Variants in CADM2 observed in about 807,000 individuals in gnomAD.
CADM2 encodes immunoglobulin superfamily member 4D.
A neutral mutation model predicts 49.8 loss-of-function variants in CADM2; 12 were observed. The observed-to-expected ratio is 0.24, with a 90% CI of 0.15 to 0.39. The LOEUF is 0.39. Ranked by LOEUF, CADM2 falls within the 10% of genes least tolerant of loss-of-function variation. The pLI is 1.00. For synonymous variants in CADM2, 214 were observed against 175.4 expected (o/e 1.22, Z -1.74); for missense variants, 378 against 492.3 (o/e 0.77, Z 2.20).
chr3:85,051,809 A>G (rs1390235625), intron 1 of CADM2, among the ~76,000 whole-genome samples: 4 of 152,214 alleles, frequency 2.6e-5, no homozygotes, highest in African/African-American at 9.6e-5. Context: ...ATTTAAAAGA[A>G]AAGAAAACGG....
chr3:85,057,231 G>A (rs959256674), intron 1 of CADM2, among the ~76,000 whole-genome samples: 8 of 151,874 alleles, frequency 5.3e-5, no homozygotes, highest in Admixed American at 2.0e-4. Flanking sequence ...CATATTTGCC[G>A]TGAAAAAATA....
At chr3:85,575,233 C>T (rs190631821) in intron 1 of CADM2, among the ~76,000 whole-genome samples, 1 of 152,250 alleles carries the variant, frequency 6.6e-6, no homozygotes, top group African/African-American at 2.4e-5. Context: ...AATGAAAATG[C>T]ATGAACTTAC....
At chr3:85,945,234 G>C (rs1477129415) in intron 7 of CADM2, among the ~76,000 whole-genome samples, 3 of 152,162 alleles carry the variant, frequency 2.0e-5, no homozygotes, top group Admixed American at 6.6e-5. Flanking sequence ...CCAGGAAGAA[G>C]TTGAATCTCT....
chr3:86,046,834 T>A (rs555806288), intron 8 of CADM2, among the ~76,000 whole-genome samples: 1 of 151,878 alleles, frequency 6.6e-6, no homozygotes, highest in African/African-American at 2.4e-5. Context: ...TGTTAGCTTT[T>A]TCTTTCAAAA....
chr3:85,564,103 C>T (rs1478369563), intron 1 of CADM2, among the ~76,000 whole-genome samples: 1 of 151,352 alleles, frequency 6.6e-6, no homozygotes, highest in African/African-American at 2.4e-5. Flanking sequence ...TAGCTTGGTT[C>T]TAAAAATTTA....
chr3:85,206,554 A>T (rs376291291), intron 1 of CADM2, among the ~76,000 whole-genome samples: 1 of 151,748 alleles, frequency 6.6e-6, no homozygotes, highest in Non-Finnish European at 1.5e-5. Context: ...TGATCCGCCC[A>T]CCTCGGCCTC....
At chr3:85,993,299 A>C (rs1369515266) in intron 8 of CADM2, 1 of 152,212 alleles carries the variant, frequency 6.6e-6, no homozygotes, top group Non-Finnish European at 1.5e-5. Context: ...TCAACTCCCT[A>C]TCCATTAAGT....
chr3:85,000,282 T>A (rs1467902270), intron 1 of CADM2, among the ~76,000 whole-genome samples: 1 of 151,644 alleles, frequency 6.6e-6, no homozygotes, highest in African/African-American at 2.4e-5. Flanking sequence ...CCCAGCTAAT[T>A]ATTTTTTTTT....
intron 1 of CADM2, among the ~76,000 whole-genome samples, chr3:85,319,027 C>A (rs748326098): frequency 6.6e-6 from 1 of 152,044 alleles, no homozygotes; most frequent in Non-Finnish European, 1.5e-5. Flanking sequence ...AAAGGAGCAA[C>A]TTCATATGCT....
intron 1 of CADM2, among the ~76,000 whole-genome samples, chr3:85,231,707 C>CTT (rs754139147): frequency 5.4e-5 from 7 of 130,724 alleles, no homozygotes; most frequent in Non-Finnish European, 9.9e-5. Flanking sequence ...AGTTTCCTTT[C>CTT]TTTTTTTTTT....
chr3:85,495,550 T>C (rs2039852465), intron 1 of CADM2, among the ~76,000 whole-genome samples: 1 of 152,038 alleles, frequency 6.6e-6, no homozygotes, highest in Non-Finnish European at 1.5e-5. Flanking sequence ...TAACTAAAAG[T>C]CTAGTCCCTG....
intron 1 of CADM2, among the ~76,000 whole-genome samples, chr3:85,110,348 A>G (rs1423568221): frequency 6.6e-6 from 1 of 151,752 alleles, no homozygotes; most frequent in Non-Finnish European, 1.5e-5. Flanking sequence ...CCCACTTCAT[A>G]TCTCCAGCTT....
At chr3:85,385,628 T>C (rs2034179162) in intron 1 of CADM2, 1 of 151,964 alleles carries the variant, frequency 6.6e-6, no homozygotes, top group Non-Finnish European at 1.5e-5. Context: ...TGATCCCTAT[T>C]TTTTTTCAGT....
At chr3:85,589,332 T>C (rs2063038059) in intron 1 of CADM2, among the ~76,000 whole-genome samples, 1 of 152,032 alleles carries the variant, frequency 6.6e-6, no homozygotes, top group South Asian at 2.1e-4. Context: ...TTAGGCACAA[T>C]AGCATTGGGT....
intron 8 of CADM2, among the ~76,000 whole-genome samples, chr3:85,981,852 A>G (rs571572570): frequency 6.6e-6 from 1 of 151,752 alleles, no homozygotes; most frequent in Admixed American, 6.6e-5. Flanking sequence ...AACAATTTAT[A>G]TTCTTTTGGG....
chr3:85,325,590 T>A (rs1357038531), intron 1 of CADM2, among the ~76,000 whole-genome samples: 1 of 150,318 alleles, frequency 6.7e-6, no homozygotes, highest in Non-Finnish European at 1.5e-5. Context: ...CTGGCGAGGC[T>A]GAGGCAGGAG....
At chr3:84,982,994 G>A (rs1000256328) in intron 1 of CADM2, among the ~76,000 whole-genome samples, 4 of 150,540 alleles carry the variant, frequency 2.7e-5, no homozygotes, top group African/African-American at 7.5e-5. Context: ...TGATCTGCCC[G>A]CTTCAGCCTC....
chr3:84,993,675 T>A (rs1277014447), intron 1 of CADM2, among the ~76,000 whole-genome samples: 2 of 152,208 alleles, frequency 1.3e-5, no homozygotes, highest in Non-Finnish European at 2.9e-5. Context: ...CACTGACTGA[T>A]ATGAACTGTT....
chr3:85,679,477 A>G (rs2065978610), intron 1 of CADM2, among the ~76,000 whole-genome samples: 1 of 152,166 alleles, frequency 6.6e-6, no homozygotes, highest in African/African-American at 2.4e-5. Context: ...TGACAAATAC[A>G]GTATTTATTT....
Sources: allele counts gnomAD v4.1 joint callset (sites outside exome capture counted in the v4.1 genomes callset), GRCh38; gene constraint gnomAD v4.1.1; transcripts MANE v1.5; gene names NCBI Gene and HGNC (gene_info 2026-07-23, HGNC 2026-07-21).